RBFOX1: variants seen among roughly 807,000 people sequenced by gnomAD.
RBFOX1 encodes the protein RNA binding fox-1 homolog 1.
Under a neutral mutation model 57.7 loss-of-function variants are expected in RBFOX1, and 8 were observed. That is an observed-to-expected ratio of 0.14 (90% CI 0.08 to 0.25). RBFOX1 has a LOEUF of 0.25. Ranked by LOEUF, RBFOX1 falls within the 10% of genes least tolerant of loss-of-function variation. RBFOX1 has a pLI of 1.00. For synonymous variants in RBFOX1, 326 were observed against 222.4 expected (o/e 1.47, Z -4.15); for missense variants, 611 against 548.5 (o/e 1.11, Z -1.14).
At chr16:5,899,963 C>A (rs1322784316) in intron 4 of RBFOX1, among the ~76,000 whole-genome samples, 1 of 152,072 alleles carries the variant, frequency 6.6e-6, no homozygotes, top group African/African-American at 2.4e-5. Flanking sequence ...GTCCCAGCTA[C>A]TGGGATGGGG....
At chr16:6,806,377 C>G (rs1386164344) in intron 3 of RBFOX1, among the ~76,000 whole-genome samples, 2 of 152,096 alleles carry the variant, frequency 1.3e-5, no homozygotes, top group African/African-American at 4.8e-5. Context: ...AGAAACTGGT[C>G]TGTAATAAGG....
At chr16:7,318,826 G>C (rs1284799783) in intron 4 of RBFOX1, among the ~76,000 whole-genome samples, 1 of 152,158 alleles carries the variant, frequency 6.6e-6, no homozygotes, top group African/African-American at 2.4e-5. Context: ...CAGGTGTGTG[G>C]TGAGCCGAAG....
chr16:5,924,307 TG>T (rs1329644339), intron 4 of RBFOX1, among the ~76,000 whole-genome samples: 1 of 152,168 alleles, frequency 6.6e-6, no homozygotes, highest in Non-Finnish European at 1.5e-5. Flanking sequence ...TGCTATAATT[TG>T]GATGTTTAAC....
intron 3 of RBFOX1, among the ~76,000 whole-genome samples, chr16:6,841,326 C>T (rs2093449825): frequency 1.3e-5 from 2 of 152,262 alleles, no homozygotes. Context: ...TGGTTTTAGA[C>T]AGCAAACATG....
chr16:6,699,037 T>G (rs7198388), intron 3 of RBFOX1, among the ~76,000 whole-genome samples: 15 of 152,156 alleles, frequency 9.9e-5, no homozygotes, highest in African/African-American at 3.6e-4. Context: ...TAAAAATGGG[T>G]GTTTCTGTTA....
chr16:7,183,360 G>T (rs1016976538), intron 4 of RBFOX1, among the ~76,000 whole-genome samples: 1 of 152,094 alleles, frequency 6.6e-6, no homozygotes, highest in African/African-American at 2.4e-5. Flanking sequence ...AGAAACAGAG[G>T]TAATTTTTTT....
intron 1 of RBFOX1, among the ~76,000 whole-genome samples, chr16:6,034,892 C>G (rs1038521696): frequency 1.3e-5 from 2 of 151,998 alleles, no homozygotes; most frequent in African/African-American, 4.8e-5. Flanking sequence ...GGTGGATGGT[C>G]AGCTCAGGAG....
At chr16:5,862,120 G>T (rs2057233585) in intron 3 of RBFOX1, among the ~76,000 whole-genome samples, 2 of 152,264 alleles carry the variant, frequency 1.3e-5, no homozygotes, top group South Asian at 2.1e-4. Context: ...CCATAAGTCA[G>T]TTCTATCTAA....
At chr16:7,707,988 A>C (rs1023477176) in intron 14 of RBFOX1, among the ~76,000 whole-genome samples, 2 of 152,212 alleles carry the variant, frequency 1.3e-5, no homozygotes, top group Non-Finnish European at 2.9e-5. Flanking sequence ...AATATCTGGC[A>C]GGGCAAACAA....
intron 4 of RBFOX1, among the ~76,000 whole-genome samples, chr16:7,374,272 T>C (rs987466847): frequency 2.6e-5 from 4 of 152,204 alleles, no homozygotes; most frequent in Non-Finnish European, 5.9e-5. Context: ...TGAGGCTCCG[T>C]GTTTTCGCTG....
At chr16:5,780,183 A>C (rs2054281318) in intron 3 of RBFOX1, among the ~76,000 whole-genome samples, 1 of 152,166 alleles carries the variant, frequency 6.6e-6, no homozygotes, top group African/African-American at 2.4e-5. Context: ...TTGTATTTTT[A>C]GTGGAGATGG....
At position 5,327,583 on chromosome 16, in the gene RBFOX1, G is replaced by T. The variant is rs57880618; in HGVS notation, c.219+87478G>T. ...CCCTCAGAGAGAAACGCCCCAATCT[G>T]CACAATAGGTTTCTGGTACCCTGGT... On this transcript the variant is annotated intron_variant, in intron 1 of 2. Transcript: ENST00000585867. Among the ~76,000 whole-genome samples, 1,275 of 152,180 alleles carry T rather than the reference G, an allele frequency of 8.4e-3. 17 individuals are homozygous for T. The highest frequency in any genetic ancestry group is 0.029 in the African/African-American group (1,204 of 41,524).
At chr16:6,621,121 G>C (rs11859995) in intron 2 of RBFOX1, among the ~76,000 whole-genome samples, 9,688 of 152,136 alleles carry the variant, frequency 0.064, 383 homozygotes, top group African/African-American at 0.088. Flanking sequence ...TGGCTGTATT[G>C]TCTGGGTGTC....
At chr16:6,612,114 T>G (rs1038160005) in intron 2 of RBFOX1, among the ~76,000 whole-genome samples, 1 of 152,232 alleles carries the variant, frequency 6.6e-6, no homozygotes, top group East Asian at 1.9e-4. Flanking sequence ...TGGTACATGA[T>G]GCATCTAGGG....
chr16:7,588,956 T>C (rs1247071477), intron 7 of RBFOX1, among the ~76,000 whole-genome samples: 1 of 152,192 alleles, frequency 6.6e-6, no homozygotes. Context: ...CCTTACACTT[T>C]GTGATAATAC....
chr16:7,327,573 G>C (rs1250272551), intron 4 of RBFOX1, among the ~76,000 whole-genome samples: 1 of 152,148 alleles, frequency 6.6e-6, no homozygotes, highest in Admixed American at 6.5e-5. Context: ...ATTTTGTTTT[G>C]TTCTGTTTTG....
At chr16:7,171,576 G>A (rs1375198262) in intron 4 of RBFOX1, among the ~76,000 whole-genome samples, 1 of 152,176 alleles carries the variant, frequency 6.6e-6, no homozygotes, top group Non-Finnish European at 1.5e-5. Flanking sequence ...TGTTTAGAAT[G>A]TAATTTTCTC....
Position 5,798,898 on chromosome 16 carries a change from C to T in RBFOX1, c.319-68405C>T, listed in dbSNP as rs1320873594. Among the ~76,000 whole-genome samples, 2 of 151,936 alleles carry T rather than the reference C, an allele frequency of 1.3e-5. 1 individual carries two copies. The highest frequency in any genetic ancestry group is 4.2e-4 in the South Asian group (2 of 4,782). Reference sequence around the variant, plus strand: ...AGAGGTACGGACTACTTGCTGCCTGCGTCAGACAGGCCCAATTCAGCTCCA... The same window carrying T: ...AGAGGTACGGACTACTTGCTGCCTGTGTCAGACAGGCCCAATTCAGCTCCA... On this transcript the variant is annotated intron_variant, in intron 3 of 19. Coordinates refer to the RBFOX1 transcript ENST00000641259.
In RBFOX1 at chr16:6,976,664, A is replaced by G. The variant is rs577378650; in HGVS notation, c.-15-75393A>G. Among the ~76,000 whole-genome samples, 8 of 149,528 alleles carry G rather than the reference A, an allele frequency of 5.4e-5. 1 individual carries two copies. In the South Asian group the frequency reaches 1.7e-3, roughly 31 times the overall value. On this transcript the variant is annotated intron_variant, in intron 3 of 15. Transcript: ENST00000550418. ...TAGGTACAATGTTTATATATATATG[A>G]TATATATATCATATATATCATACCT...
Sources: gnomAD v4.1 joint callset for allele counts (sites outside exome capture counted in the v4.1 genomes callset) on GRCh38, gnomAD v4.1.1 for gene constraint, MANE v1.5 for transcripts, NCBI Gene and HGNC (gene_info 2026-07-23, HGNC 2026-07-21) for gene names.